MTCL3: variants seen among roughly 807,000 people sequenced by gnomAD.
The protein encoded by MTCL3 is microtubule cross-linking factor 3.
chr6:127,493,998 A>G, the MTCL3 span, among the ~76,000 whole-genome samples: 10 of 152,336 alleles, frequency 6.6e-5, no homozygotes, highest in South Asian at 2.1e-3. Context: ...CCAGGCTACC[A>G]ATAAAAGAGG....
the MTCL3 span, chr6:127,512,749 A>G: frequency 1.5e-6 from 1 of 676,866 alleles, no homozygotes; most frequent in Non-Finnish European, 2.4e-6. Flanking sequence ...GTATGAAATC[A>G]TGTATTTTTT....
the MTCL3 span, chr6:127,515,683 A>G: frequency 6.5e-7 from 1 of 1,534,454 alleles, no homozygotes. This position sits in a 1 kb window ranked among gnomAD's most constrained non-coding sequence, Gnocchi z 4.3. Context: ...CGCCGCCGCC[A>G]TTGGGGAGGC....
At chr6:127,486,085 G>T in the MTCL3 span, among the ~76,000 whole-genome samples, 1 of 152,154 alleles carries the variant, frequency 6.6e-6, no homozygotes, top group Admixed American at 6.5e-5. Flanking sequence ...GTGCAGCTGA[G>T]AAATTTAGAC....
chr6:127,516,190 G>C, the MTCL3 span: 2 of 1,431,294 alleles, frequency 1.4e-6, no homozygotes, highest in South Asian at 1.5e-5. Flanking sequence ...CTCCTCGGGC[G>C]GTCCGGGCCT....
chr6:127,509,366 C>T, the MTCL3 span, among the ~76,000 whole-genome samples: 1 of 152,174 alleles, frequency 6.6e-6, no homozygotes, highest in Non-Finnish European at 1.5e-5. Flanking sequence ...GTGCACAAGA[C>T]CTTGTGCAGC....
At chr6:127,473,208 T>C in the MTCL3 span, 2 of 1,376,026 alleles carry the variant, frequency 1.5e-6, no homozygotes, top group Non-Finnish European at 1.9e-6. Flanking sequence ...ATACTTCTTT[T>C]ACTTCTTGTC....
chr6:127,505,612 C>T, the MTCL3 span, among the ~76,000 whole-genome samples: 2 of 151,950 alleles, frequency 1.3e-5, no homozygotes, highest in Admixed American at 6.6e-5. Context: ...TACAACAAAC[C>T]CCCATGACAC....
At chr6:127,499,310 G>A in the MTCL3 span, among the ~76,000 whole-genome samples, 1 of 152,068 alleles carries the variant, frequency 6.6e-6, no homozygotes, top group African/African-American at 2.4e-5. Context: ...ACTCAAAAAG[G>A]TCTTTAAAAT....
At chr6:127,492,416 A>G in the MTCL3 span, among the ~76,000 whole-genome samples, 1 of 152,364 alleles carries the variant, frequency 6.6e-6, no homozygotes, top group East Asian at 1.9e-4. Flanking sequence ...AGAATGTAAA[A>G]GGCTAAGAGG....
the MTCL3 span, among the ~76,000 whole-genome samples, chr6:127,479,086 A>G: frequency 2.0e-5 from 3 of 151,970 alleles, no homozygotes; most frequent in Non-Finnish European, 4.4e-5. Flanking sequence ...TTGGGAGGGG[A>G]AATCTAAGGT....
the MTCL3 span, chr6:127,515,522 T>G: frequency 6.9e-7 from 1 of 1,444,462 alleles, no homozygotes; most frequent in African/African-American, 1.5e-5. This position sits in a 1 kb window ranked among gnomAD's most constrained non-coding sequence, Gnocchi z 4.3. Context: ...ACCTTGAGAG[T>G]CTCGTTTTCC....
chr6:127,480,172 C>A, the MTCL3 span, among the ~76,000 whole-genome samples: 1 of 152,158 alleles, frequency 6.6e-6, no homozygotes, highest in African/African-American at 2.4e-5. Flanking sequence ...ACTTTAAGAG[C>A]CACTACTAGA....
chr6:127,478,891 C>T, the MTCL3 span, among the ~76,000 whole-genome samples: 921 of 151,896 alleles, frequency 6.1e-3, 10 homozygotes, highest in African/African-American at 0.02. Flanking sequence ...GTGGCATGCG[C>T]CTGTAGTCCC....
At chr6:127,498,798 A>T in the MTCL3 span, among the ~76,000 whole-genome samples, 1 of 152,198 alleles carries the variant, frequency 6.6e-6, no homozygotes, top group African/African-American at 2.4e-5. Context: ...ACACTGGTCT[A>T]GGTGAAAGAA....
At chr6:127,473,201 C>T in the MTCL3 span, 2 of 1,352,236 alleles carry the variant, frequency 1.5e-6, no homozygotes, top group South Asian at 2.0e-5. Context: ...AGAAATTATA[C>T]TTCTTTTACT....
the MTCL3 span, among the ~76,000 whole-genome samples, chr6:127,510,966 T>TA: frequency 6.6e-6 from 1 of 152,228 alleles, no homozygotes; most frequent in East Asian, 1.9e-4. Context: ...CTCATGCCTG[T>TA]AATCCCAGCT....
the MTCL3 span, among the ~76,000 whole-genome samples, chr6:127,508,235 T>C: frequency 6.6e-6 from 1 of 152,314 alleles, no homozygotes; most frequent in Non-Finnish European, 1.5e-5. Context: ...AGGTAAACAT[T>C]CCCTATTAGA....
the MTCL3 span, chr6:127,516,388 TGCAGCTGCTGCTGCC>T: frequency 1.9e-6 from 3 of 1,600,472 alleles, no homozygotes; most frequent in African/African-American, 2.7e-5. Flanking sequence ...TTGCTGCTGC[TGCAGCTGCTGCTGCC>T]GAACAGAATT....
the MTCL3 span, among the ~76,000 whole-genome samples, chr6:127,486,045 AG>A: frequency 1.3e-5 from 2 of 152,184 alleles, no homozygotes; most frequent in African/African-American, 4.8e-5. Flanking sequence ...ATGGGGTAAA[AG>A]AAGATGCAGA....
Sources: gnomAD v4.1 joint callset for allele counts (sites outside exome capture counted in the v4.1 genomes callset) on GRCh38, gnomAD v4.1.1 for gene constraint, Gnocchi (gnomAD v3.1) non-coding constraint, MANE v1.5 for transcripts, NCBI Gene and HGNC (gene_info 2026-07-23, HGNC 2026-07-21) for gene names.